LRRC28: variants seen among roughly 807,000 people sequenced by gnomAD.
The protein encoded by LRRC28 is leucine-rich repeat-containing protein 28.
LRRC28 carries 39 observed loss-of-function variants against 45.7 expected under a neutral mutation model. The ratio of observed to expected loss-of-function variants is 0.85; its 90% CI spans 0.66 to 1.12. The LOEUF (loss-of-function observed/expected upper bound fraction) is 1.12, where lower values mean the gene tolerates loss of function less well. LRRC28 is among the 50% of genes most tolerant of loss of function. LRRC28 has a pLI of 0.00. For missense variants in LRRC28, 435 were observed against 438.5 expected (o/e 0.99, Z 0.07); for synonymous variants, 206 against 178.8 (o/e 1.15, Z -1.22).
intron 9 of LRRC28, among the ~76,000 whole-genome samples, chr15:99,377,861 G>A (rs942976896): frequency 6.6e-5 from 10 of 152,098 alleles, no homozygotes; most frequent in African/African-American, 2.4e-4. Flanking sequence ...GTAGATGTGT[G>A]GCATTATTTC....
chr15:99,375,098 A>G (rs1236279092), intron 9 of LRRC28, among the ~76,000 whole-genome samples: 1 of 152,216 alleles, frequency 6.6e-6, no homozygotes, highest in Admixed American at 6.5e-5. Context: ...TGTTAACCCT[A>G]CTGATAAGCA....
At position 99,390,584 on chromosome 15, in the gene LRRC28, G is replaced by A. The variant is rs1958155189; in HGVS notation, c.*4482G>A. 6.6e-6 allele frequency: 1 copy of A among 152,230 alleles called. No individual in the cohort carries two copies. Among genetic ancestry groups the A allele is most frequent in the Non-Finnish European group, 1.5e-5 (1 of 68,044 alleles). 9.4% of individuals were successfully genotyped at this position (152,230 alleles called of 1,614,324 possible). ...AATTATGGCAACATTCATTTGGAGT[G>A]TGGCTAAAAACTCATACTTTATCCA... On this transcript the variant is annotated 3_prime_UTR_variant, in exon 10 of 10. Coordinates refer to ENST00000301981, the MANE Select transcript of LRRC28 (RefSeq NM_144598.5).
chr15:99,384,308 G>A (rs1190661917), intron 9 of LRRC28: 1 of 152,162 alleles, frequency 6.6e-6, no homozygotes, highest in African/African-American at 2.4e-5. Context: ...AGATGCTAGG[G>A]AGTCAAGGCT....
intron 9 of LRRC28, among the ~76,000 whole-genome samples, chr15:99,378,531 T>G (rs1957715482): frequency 6.6e-6 from 1 of 152,216 alleles, no homozygotes; most frequent in African/African-American, 2.4e-5. Context: ...TACCCTTTAT[T>G]TATTTCTCCT....
intron 5 of LRRC28, among the ~76,000 whole-genome samples, chr15:99,323,929 T>A (rs1046140809): frequency 6.6e-6 from 1 of 152,194 alleles, no homozygotes; most frequent in South Asian, 2.1e-4. Context: ...TTGAACCTAT[T>A]TGTACGTACC....
rs181963046 is a variant in LRRC28, at chr15:99,359,184, A to G, written c.696-2152A>G. Among the ~76,000 whole-genome samples the G allele has an allele frequency of 3.3e-5, 5 of 152,328 alleles. No individual in the cohort carries two copies. The East Asian group carries it at 9.6e-4, about 29-fold the overall frequency. On this transcript the variant is annotated intron_variant, in intron 7 of 9. Coordinates refer to ENST00000301981, the MANE Select transcript of LRRC28 (RefSeq NM_144598.5). ...GTAACCCTCTTAAGAAATTCAGAAA[A>G]ATGTAGATACCATGAAGGAAATAAG...
intron 7 of LRRC28, among the ~76,000 whole-genome samples, chr15:99,358,272 T>A (rs1203405311): frequency 6.6e-6 from 1 of 152,112 alleles, no homozygotes; most frequent in Non-Finnish European, 1.5e-5. Flanking sequence ...TGAAGAAAAT[T>A]GTGAAATTTT....
intron 9 of LRRC28, among the ~76,000 whole-genome samples, chr15:99,376,309 G>C (rs915656843): frequency 4.0e-5 from 6 of 151,870 alleles, no homozygotes; most frequent in Non-Finnish European, 8.8e-5. Context: ...TTTTGTTATT[G>C]GTTTCTAGTT....
intron 5 of LRRC28, among the ~76,000 whole-genome samples, chr15:99,331,394 T>A (rs1366414947): frequency 6.6e-6 from 1 of 152,212 alleles, no homozygotes; most frequent in Non-Finnish European, 1.5e-5. Context: ...GACTTATTCC[T>A]ATTTTATTAT....
Position 99,257,998 on chromosome 15 carries a change from T to C in LRRC28, c.168+1873T>C, listed in dbSNP as rs1425136251. 19 of 927,800 alleles carry C rather than the reference T, an allele frequency of 2.0e-5. No homozygotes were observed. In the East Asian group the frequency reaches 4.5e-4, roughly 22 times the overall value. The allele number at this position is 927,800 out of a possible 1,614,324, so 57.5% of individuals were successfully genotyped here. Reference sequence around the variant, plus strand: ...TATCACTGACTAATGAAAATGCTCTTTCTGGAAATGAGGAACTAACAGTCA... The same window carrying C: ...TATCACTGACTAATGAAAATGCTCTCTCTGGAAATGAGGAACTAACAGTCA... On this transcript the variant is annotated intron_variant, in intron 2 of 9. Coordinates refer to ENST00000301981, the MANE Select transcript of LRRC28 (RefSeq NM_144598.5).
At chr15:99,258,918 G>A in intron 2 of LRRC28, 5 of 723,904 alleles carry the variant, frequency 6.9e-6, no homozygotes, top group South Asian at 2.7e-5. Flanking sequence ...TTTGTCAAGG[G>A]TGTGGTGGAC....
chr15:99,268,614 G>A (rs989756759), intron 2 of LRRC28, among the ~76,000 whole-genome samples: 4 of 152,116 alleles, frequency 2.6e-5, no homozygotes, highest in African/African-American at 4.8e-5. Flanking sequence ...AAATACATAC[G>A]TTATGTAAGT....
At chr15:99,356,431 G>C (rs893314996) in intron 7 of LRRC28, among the ~76,000 whole-genome samples, 1 of 152,202 alleles carries the variant, frequency 6.6e-6, no homozygotes, top group Non-Finnish European at 1.5e-5. Context: ...CTTCATGGCA[G>C]AATGGTTGGA....
intron 9 of LRRC28, among the ~76,000 whole-genome samples, chr15:99,367,255 C>T (rs934466694): frequency 6.6e-6 from 1 of 152,194 alleles, no homozygotes; most frequent in African/African-American, 2.4e-5. Context: ...CATGGAAACA[C>T]GTAACTGTTT....
At chr15:99,356,264 A>T (rs1258760344) in intron 7 of LRRC28, among the ~76,000 whole-genome samples, 1 of 152,192 alleles carries the variant, frequency 6.6e-6, no homozygotes, top group Non-Finnish European at 1.5e-5. Context: ...CTCCAATTTG[A>T]GATGACCCAG....
At chr15:99,260,324 G>C (rs2081159787) in intron 2 of LRRC28, among the ~76,000 whole-genome samples, 1 of 152,100 alleles carries the variant, frequency 6.6e-6, no homozygotes, top group South Asian at 2.1e-4. Flanking sequence ...TAGTTTCTCA[G>C]CTTCAGTTTT....
chr15:99,289,290 A>G (rs904897852), intron 5 of LRRC28, among the ~76,000 whole-genome samples: 3 of 152,236 alleles, frequency 2.0e-5, no homozygotes, highest in Non-Finnish European at 2.9e-5. Flanking sequence ...TTCAGGTATT[A>G]TATGAAAGTT....
chr15:99,274,706 A>G (rs969290697), intron 2 of LRRC28, among the ~76,000 whole-genome samples: 11 of 152,218 alleles, frequency 7.2e-5, no homozygotes, highest in African/African-American at 2.7e-4. Context: ...TTCTATTGAC[A>G]TGATTGTTTT....
At chr15:99,375,562 A>G (rs1232619937) in intron 9 of LRRC28, among the ~76,000 whole-genome samples, 2 of 152,232 alleles carry the variant, frequency 1.3e-5, no homozygotes, top group East Asian at 3.8e-4. Context: ...TTATCTTTTT[A>G]CTCTTTGTTA....
Sources: gnomAD v4.1 joint callset for allele counts (sites outside exome capture counted in the v4.1 genomes callset) on GRCh38, gnomAD v4.1.1 for gene constraint, MANE v1.5 for transcripts, NCBI Gene and HGNC (gene_info 2026-07-23, HGNC 2026-07-21) for gene names.